Variants in ASTN2 observed in about 807,000 individuals in gnomAD.
ASTN2 encodes the protein astrotactin 2.
ASTN2 carries 54 observed loss-of-function variants against 139.8 expected under a neutral mutation model. The ratio of observed to expected loss-of-function variants is 0.39; its 90% CI spans 0.31 to 0.48. The LOEUF (loss-of-function observed/expected upper bound fraction) is 0.48, where lower values mean the gene tolerates loss of function less well. Among genes scored for constraint, ASTN2 ranks in the 20% least tolerant of loss-of-function variants. ASTN2 has a pLI of 0.95. For synonymous variants in ASTN2, 756 were observed against 719.5 expected (o/e 1.05, Z -0.81); for missense variants, 1,565 against 1,725.1 (o/e 0.91, Z 1.64).
At chr9:117,014,505 A>G in intron 6 of ASTN2, among the ~76,000 whole-genome samples, 1 of 151,948 alleles carries the variant, frequency 6.6e-6, no homozygotes, top group Non-Finnish European at 1.5e-5. Flanking sequence ...TCACTTCCTG[A>G]CCTTCCACTC....
chr9:116,819,172 C>T (rs1489882713), intron 12 of ASTN2, among the ~76,000 whole-genome samples: 1 of 152,112 alleles, frequency 6.6e-6, no homozygotes, highest in African/African-American at 2.4e-5. Context: ...ATTGCTGCTC[C>T]TGCTGCTGTT....
At chr9:117,368,987 T>A (rs1172794720) in intron 1 of ASTN2, among the ~76,000 whole-genome samples, 4 of 152,120 alleles carry the variant, frequency 2.6e-5, no homozygotes, top group African/African-American at 9.7e-5. Flanking sequence ...ATCATTTACT[T>A]AAGGGAAACT....
intron 16 of ASTN2, among the ~76,000 whole-genome samples, chr9:116,669,618 T>C (rs1313984376): frequency 6.6e-6 from 1 of 152,200 alleles, no homozygotes; most frequent in Non-Finnish European, 1.5e-5. Flanking sequence ...TTATTTGGGC[T>C]ATTTTCTTAT....
intron 19 of ASTN2, among the ~76,000 whole-genome samples, chr9:116,514,162 C>G (rs112315493): frequency 6.6e-6 from 1 of 151,352 alleles, no homozygotes; most frequent in African/African-American, 2.4e-5. Flanking sequence ...ATGATGGTGA[C>G]GTACAGATGG....
chr9:117,265,899 C>G (rs1833929727), intron 2 of ASTN2, among the ~76,000 whole-genome samples: 1 of 152,052 alleles, frequency 6.6e-6, no homozygotes, highest in Non-Finnish European at 1.5e-5. Flanking sequence ...TTTATAAAGC[C>G]AGATGCCATG....
intron 2 of ASTN2, among the ~76,000 whole-genome samples, chr9:117,252,551 CAACT>C (rs1371899347): frequency 6.6e-6 from 1 of 152,064 alleles, no homozygotes; most frequent in Non-Finnish European, 1.5e-5. Context: ...CAGTGTCTCC[CAACT>C]ATGTTCTTTG....
chr9:117,249,622 C>A (rs1833481221), intron 2 of ASTN2, among the ~76,000 whole-genome samples: 3 of 152,048 alleles, frequency 2.0e-5, no homozygotes. Context: ...ACCACCTTCC[C>A]CCTGGTCTTG....
chr9:116,595,516 G>A (rs894983374), intron 19 of ASTN2, among the ~76,000 whole-genome samples: 2 of 152,044 alleles, frequency 1.3e-5, no homozygotes, highest in Admixed American at 1.3e-4. Flanking sequence ...CAGTAGAGAC[G>A]GGGTTTCACT....
chr9:117,398,998 G>T (rs530827439), intron 1 of ASTN2, among the ~76,000 whole-genome samples: 1 of 152,260 alleles, frequency 6.6e-6, no homozygotes, highest in Admixed American at 6.5e-5. Context: ...GGCCAGGATG[G>T]TCTTGATCTC....
chr9:116,468,083 G>A (rs1848704706), intron 20 of ASTN2, among the ~76,000 whole-genome samples: 1 of 152,174 alleles, frequency 6.6e-6, no homozygotes, highest in East Asian at 1.9e-4. Flanking sequence ...AGGACATGAA[G>A]CCGTGAATGA....
chr9:117,305,254 G>T (rs1834970821), intron 1 of ASTN2, among the ~76,000 whole-genome samples: 1 of 152,154 alleles, frequency 6.6e-6, no homozygotes, highest in Non-Finnish European at 1.5e-5. Flanking sequence ...TCCCTCCTCT[G>T]ACTCCTTCCC....
At chr9:116,987,186 TGGGGGAAGGATCCAGAG>T (rs1474695472) in intron 7 of ASTN2, among the ~76,000 whole-genome samples, 2 of 152,244 alleles carry the variant, frequency 1.3e-5, no homozygotes, top group Non-Finnish European at 2.9e-5. Flanking sequence ...TCCCCAGTGC[TGGGGGAAGGATCCAGAG>T]GGAGGTGATT....
At chr9:116,821,207 G>A (rs755101836) in intron 11 of ASTN2, among the ~76,000 whole-genome samples, 4 of 152,136 alleles carry the variant, frequency 2.6e-5, no homozygotes, top group Non-Finnish European at 4.4e-5. Context: ...ATATTTAAAA[G>A]CCTCTACCAG....
At chr9:116,995,918 G>A (rs1836999456) in intron 7 of ASTN2, among the ~76,000 whole-genome samples, 1 of 152,094 alleles carries the variant, frequency 6.6e-6, no homozygotes, top group Non-Finnish European at 1.5e-5. Context: ...ATAGCTCACT[G>A]ACACTTTGAA....
chr9:117,162,077 T>C (rs973287269), intron 3 of ASTN2, among the ~76,000 whole-genome samples: 1 of 151,834 alleles, frequency 6.6e-6, no homozygotes, highest in Non-Finnish European at 1.5e-5. Flanking sequence ...ATATCAGAAA[T>C]CAAAATGAGT....
intron 16 of ASTN2, among the ~76,000 whole-genome samples, chr9:116,689,824 A>T (rs1404323782): frequency 6.6e-6 from 1 of 152,160 alleles, no homozygotes; most frequent in Non-Finnish European, 1.5e-5. Context: ...TGAGGTTATC[A>T]GGCAGGATGA....
At chr9:116,512,974 T>G (rs1296758264) in intron 19 of ASTN2, among the ~76,000 whole-genome samples, 1 of 152,230 alleles carries the variant, frequency 6.6e-6, no homozygotes, top group African/African-American at 2.4e-5. Context: ...TCTGTGTCTT[T>G]TAATCGGAGC....
intron 3 of ASTN2, among the ~76,000 whole-genome samples, chr9:117,157,306 G>A (rs1357739828): frequency 1.3e-5 from 2 of 151,904 alleles, no homozygotes; most frequent in South Asian, 2.1e-4. Context: ...AGACTGGAAG[G>A]AAAAAAGACA....
chr9:116,751,571 AT>A (rs1829404493), intron 13 of ASTN2, among the ~76,000 whole-genome samples: 1 of 151,796 alleles, frequency 6.6e-6, no homozygotes, highest in South Asian at 2.1e-4. Flanking sequence ...ATTATTAGAA[AT>A]GTGATTTAGG....
Sources: allele counts gnomAD v4.1 joint callset (sites outside exome capture counted in the v4.1 genomes callset), GRCh38; gene constraint gnomAD v4.1.1; transcripts MANE v1.5; gene names NCBI Gene and HGNC (gene_info 2026-07-23, HGNC 2026-07-21).